ERN1: variants seen among roughly 807,000 people sequenced by gnomAD.
The protein encoded by ERN1 is endoplasmic reticulum to nucleus signaling 1.
In ERN1, 39 loss-of-function variants were observed where a neutral mutation model predicts 113.1. The ratio of observed to expected loss-of-function variants is 0.34; its 90% CI spans 0.27 to 0.45. The LOEUF is 0.45. Among genes scored for constraint, ERN1 ranks in the 20% least tolerant of loss-of-function variants. ERN1 has a pLI of 1.00. For synonymous variants in ERN1, 507 were observed against 515.9 expected (o/e 0.98, Z 0.23); for missense variants, 976 against 1,274.8 (o/e 0.77, Z 3.57).
rs76913706 is a variant in ERN1, at chr17:64,086,406, T to A, written c.176-5598A>T. 2.1e-3 allele frequency among the ~76,000 whole-genome samples: 324 copies of A among 152,282 alleles called. 4 individuals carry two copies. Among genetic ancestry groups the A allele is most frequent in the African/African-American group, 7.5e-3 (312 of 41,570 alleles). On this transcript the variant is annotated intron_variant, in intron 2 of 21. Transcript: ENST00000433197. ...TTGTGCCTGGCCTCTTTATCTCACA[T>A]AATGTCTTGGAAATTCATCCATATT...
At position 64,044,056 on chromosome 17, in the gene ERN1, G is replaced by A; in HGVS notation, c.2866C>T (p.Leu956Phe). ...TCGTGGAAGTAGTAGGGCTGGAAGA[G>A]TCTCTCGTGGCTGCACAGCTCCATG... Reference protein sequence around the residue: ...RAMELCSHERLFQPYYFHEPP... With the variant: ...RAMELCSHERFFQPYYFHEPP... Residue 956 changes from leucine to phenylalanine, a missense_variant, in exon 22 of 22, where the codon CTC becomes TTC. Leu to Phe is a conservative substitution (Grantham distance 22). Around this residue, in one of 5 missense-constraint regions of ERN1, gnomAD observed 92 missense variants for 87.3 expected, o/e 1.05. Transcript: ENST00000433197. This position sits in a 1 kb window ranked among gnomAD's most constrained non-coding sequence, Gnocchi z 4.1. The A allele has an allele frequency of 6.2e-7, 1 of 1,613,780 alleles. No individual in the cohort carries two copies. The highest frequency in any genetic ancestry group is 1.1e-5 in the South Asian group (1 of 91,054).
chr17:64,125,725 G>T (rs1426867571), intron 1 of ERN1, among the ~76,000 whole-genome samples: 2 of 152,198 alleles, frequency 1.3e-5, no homozygotes, highest in African/African-American at 4.8e-5. Context: ...CTGACCTCAA[G>T]TGATTCACCC....
intron 7 of ERN1, 55 bp downstream of exon 7, chr17:64,068,135 C>G: frequency 7.9e-7 from 1 of 1,261,054 alleles, no homozygotes. Flanking sequence ...CCACTGTTTC[C>G]ACATAGGTCA....
At chr17:64,121,787 G>A (rs1457960325) in intron 1 of ERN1, among the ~76,000 whole-genome samples, 1 of 152,076 alleles carries the variant, frequency 6.6e-6, no homozygotes, top group Non-Finnish European at 1.5e-5. Context: ...GTGCCCAGCC[G>A]AGCAGGCTTT....
In ERN1 at chr17:64,041,485, G is replaced by A. The variant is rs920757298; in HGVS notation, c.*2503C>T. ...AGCACAGTGGGAAACCAGAATTCTC[G>A]AGACTAGAACTGGATACACCAGATG... On this transcript the variant is annotated 3_prime_UTR_variant, in exon 22 of 22. Transcript: ENST00000433197. 1.3e-5 allele frequency: 2 copies of A among 152,152 alleles called. No individual in the cohort carries two copies. Among genetic ancestry groups the A allele is most frequent in the African/African-American group, 2.4e-5 (1 of 41,412 alleles). 9.4% of individuals were successfully genotyped at this position (152,152 alleles called of 1,614,324 possible).
intron 11 of ERN1, among the ~76,000 whole-genome samples, chr17:64,058,622 C>T (rs1384068283): frequency 1.3e-5 from 2 of 151,936 alleles, no homozygotes; most frequent in Admixed American, 6.6e-5. Flanking sequence ...CCCTAGAGTT[C>T]CTCAGAATCT....
chr17:64,039,540 C>T lies in ERN1; in HGVS notation c.*4448G>A, dbSNP rs1912276359. On this transcript the variant is annotated 3_prime_UTR_variant, in exon 22 of 22. Transcript: ENST00000433197. Reference sequence around the variant, plus strand: ...ATGGAAGGATACAGTATCACTTTTCCAGTTTTAAAATGGTCAAGGGTGTTG... The same window carrying T: ...ATGGAAGGATACAGTATCACTTTTCTAGTTTTAAAATGGTCAAGGGTGTTG... 6.6e-6 allele frequency: 1 copy of T among 152,180 alleles called. No individual in the cohort carries two copies. Among genetic ancestry groups the T allele is most frequent in the South Asian group, 2.1e-4 (1 of 4,828 alleles). 9.4% of individuals were successfully genotyped at this position (152,180 alleles called of 1,614,324 possible).
chr17:64,052,688 C>A, intron 17 of ERN1, 92 bp downstream of exon 17: 1 of 1,181,582 alleles, frequency 8.5e-7, no homozygotes, highest in Non-Finnish European at 1.2e-6. Context: ...TACACGGGCA[C>A]CAGCCCCCAA....
chr17:64,050,699 CCAGT>C (rs1397156878), intron 17 of ERN1, among the ~76,000 whole-genome samples: 2 of 152,166 alleles, frequency 1.3e-5, no homozygotes, highest in African/African-American at 4.8e-5. Flanking sequence ...AATGAGGACT[CCAGT>C]CAGTCAGACC....
chr17:64,043,991 G>A lies in ERN1; in HGVS notation c.2931C>T (p.Leu977=), dbSNP rs1246110264. Residue 977 remains leucine (L), a synonymous_variant, in exon 22 of 22, where the codon CTC becomes CTT. Transcript: ENST00000433197. ...EPQPPVTPDA[L] is the part of the protein sequence containing the mutation. ...AGAACAGAGGGGCCGCCCTCGCTCA[G>A]AGGGCGTCTGGAGTCACTGGGGGCT... 1 of 1,607,390 alleles carries A rather than the reference G, an allele frequency of 6.2e-7. No individual in the cohort carries two copies.
At position 64,130,020 on chromosome 17, in the gene ERN1, G is replaced by C; in HGVS notation, c.10C>G (p.Arg4Gly). Residue 4 changes from arginine to glycine, a missense_variant, in exon 1 of 22, where the codon CGG becomes GGG. This residue lies in a region of ERN1 where 459 missense variants were observed against 581.2 expected (regional missense o/e 0.79). Coordinates refer to ENST00000433197, the MANE Select transcript of ERN1 (RefSeq NM_001433.5). This position sits in a 1 kb window ranked among gnomAD's most constrained non-coding sequence, Gnocchi z 4.0. ...AGCGTCAGCAGCAGCAGCAGCCGCC[G>C]GGCCGGCATGGCGAGGACTCGGCCC... is the stretch of plus-strand genomic sequence containing the variant. MPA[R>G]RLLLLLTLLL... The C allele has an allele frequency of 7.0e-7, 1 of 1,431,656 alleles. No homozygotes were observed. Among genetic ancestry groups the C allele is most frequent in the Non-Finnish European group, 9.1e-7 (1 of 1,098,978 alleles). The allele number at this position is 1,431,656 out of a possible 1,614,324, so 88.7% of individuals were successfully genotyped here. A position where few individuals can be genotyped will look rare whatever the true frequency, so the allele number is the denominator to read the frequency against.
rs748002992 is a variant in ERN1 at position 64,055,722 on chromosome 17, G to T, written c.1625C>A (p.Ser542Tyr). ...ASNHSLCSGS[S>Y]ASKAGSSPSL... Reference sequence around the variant, plus strand: ...GGGGCTGCTGCCAGCCTTGGAGGCAGAGCTGCCGGAGCAGAGCGAGTGGTT... The same window carrying T: ...GGGGCTGCTGCCAGCCTTGGAGGCATAGCTGCCGGAGCAGAGCGAGTGGTT... The change falls in exon 13 of 22, where the codon TCT becomes TAT. Residue 542 changes from serine (S) to tyrosine (Y), a missense_variant. By Grantham distance (144) the Ser-to-Tyr change is moderately radical. This residue lies in a region of ERN1 where 112 missense variants were observed against 106.2 expected (regional missense o/e 1.05). Coordinates refer to ENST00000433197, the MANE Select transcript of ERN1 (RefSeq NM_001433.5). 6.2e-7 allele frequency: 1 copy of T among 1,610,094 alleles called. No homozygotes were observed. Among genetic ancestry groups the T allele is most frequent in the South Asian group, 1.1e-5 (1 of 90,626 alleles).
chr17:64,098,499 T>C (rs774555053), intron 1 of ERN1: 2 of 665,012 alleles, frequency 3.0e-6, no homozygotes, highest in Non-Finnish European at 5.6e-6. Flanking sequence ...AAATAATCCA[T>C]GGGCAACCTC....
intron 1 of ERN1, chr17:64,129,749 C>A: frequency 2.5e-6 from 1 of 394,162 alleles, no homozygotes; most frequent in Middle Eastern, 6.7e-4. Context: ...GGAGGCTCTT[C>A]GGGCGGCCGA....
At chr17:64,109,799 C>T (rs1425581901) in intron 1 of ERN1, among the ~76,000 whole-genome samples, 1 of 152,156 alleles carries the variant, frequency 6.6e-6, no homozygotes, top group Non-Finnish European at 1.5e-5. Flanking sequence ...TCCGCCTCCC[C>T]GTCTAGCCCT....
In ERN1 at chr17:64,043,802, C is replaced by G. The variant is rs977139978; in HGVS notation, c.*186G>C. 2.0e-6 allele frequency: 1 copy of G among 490,212 alleles called. No homozygotes were observed. The highest frequency in any genetic ancestry group is 3.6e-6 in the Non-Finnish European group (1 of 277,286). The allele number at this position is 490,212 out of a possible 1,614,324, so 30.4% of individuals were successfully genotyped here. On this transcript the variant is annotated 3_prime_UTR_variant, in exon 22 of 22. Transcript: ENST00000433197. ...CATCTTCCCAGTTCCCTGTAGGTCA[C>G]GAGGGGCCACTTCTCCCACTTCCTG...
At chr17:64,090,829 C>T (rs1370700146) in intron 2 of ERN1, among the ~76,000 whole-genome samples, 1 of 152,150 alleles carries the variant, frequency 6.6e-6, no homozygotes, top group African/African-American at 2.4e-5. Context: ...CCTGTTGAAG[C>T]TGAGTGATGA....
At chr17:64,080,351 A>G (rs1913728771) in intron 3 of ERN1, 1 of 168,384 alleles carries the variant, frequency 5.9e-6, no homozygotes, top group Non-Finnish European at 1.3e-5. Context: ...TCCCTCAGAA[A>G]CCCTTGGCTG....
At chr17:64,073,168 C>A (rs1417710760) in intron 5 of ERN1, among the ~76,000 whole-genome samples, 1 of 151,526 alleles carries the variant, frequency 6.6e-6, no homozygotes, top group Non-Finnish European at 1.5e-5. Flanking sequence ...CTATGCCTGG[C>A]TCTTTTTTTA....
Sources: allele counts gnomAD v4.1 joint callset (sites outside exome capture counted in the v4.1 genomes callset), GRCh38; gene constraint gnomAD v4.1.1; regional missense constraint gnomAD v4.1.1; non-coding constraint Gnocchi (gnomAD v3.1); transcripts MANE v1.5; gene names NCBI Gene and HGNC (gene_info 2026-07-23, HGNC 2026-07-21).